CCL28: variants seen among roughly 807,000 people sequenced by gnomAD.
CCL28 encodes C-C motif chemokine ligand 28.
Under a neutral mutation model 7.1 loss-of-function variants are expected in CCL28, and 4 were observed. The ratio of observed to expected loss-of-function variants is 0.56; its 90% CI spans 0.28 to 1.29. The LOEUF is 1.29. Among genes scored for constraint, CCL28 ranks in the 50% most tolerant of loss-of-function variants. CCL28 has a pLI of 0.11. For synonymous variants in CCL28, 55 were observed against 57.8 expected (o/e 0.95, Z 0.22); for missense variants, 151 against 163.4 (o/e 0.92, Z 0.41).
intron 2 of CCL28, among the ~76,000 whole-genome samples, chr5:43,387,268 T>A (rs1740378441): frequency 6.6e-6 from 1 of 152,238 alleles, no homozygotes; most frequent in East Asian, 1.9e-4. Context: ...GTTTCTGCAA[T>A]TCACGAGCTG....
the CCL28 span, among the ~76,000 whole-genome samples, chr5:43,358,382 A>C: frequency 1.3e-5 from 2 of 152,360 alleles, no homozygotes; most frequent in African/African-American, 2.4e-5. Context: ...CAGATTGGTC[A>C]TTTCAAAATT....
chr5:43,361,666 T>C, the CCL28 span, among the ~76,000 whole-genome samples: 2 of 152,172 alleles, frequency 1.3e-5, no homozygotes, highest in African/African-American at 4.8e-5. Flanking sequence ...GATTTTTATA[T>C]ATGGTGTAAA....
chr5:43,374,287 T>C (rs1356961610), downstream of CCL28, among the ~76,000 whole-genome samples: 1 of 152,222 alleles, frequency 6.6e-6, no homozygotes, highest in Non-Finnish European at 1.5e-5. Flanking sequence ...AATATGCCAG[T>C]TAATCAGTTA....
At chr5:43,383,801 T>C (rs1267164437) in intron 2 of CCL28, among the ~76,000 whole-genome samples, 1 of 152,130 alleles carries the variant, frequency 6.6e-6, no homozygotes, top group Non-Finnish European at 1.5e-5. Flanking sequence ...TTTAGTGACA[T>C]GCAGGCTGGG....
At chr5:43,361,798 T>C in the CCL28 span, among the ~76,000 whole-genome samples, 2 of 152,032 alleles carry the variant, frequency 1.3e-5, no homozygotes, top group Non-Finnish European at 2.9e-5. Context: ...GATCAGATAG[T>C]TGTAGGTGTG....
the CCL28 span, among the ~76,000 whole-genome samples, chr5:43,370,167 AC>A: frequency 6.6e-6 from 1 of 152,246 alleles, no homozygotes; most frequent in African/African-American, 2.4e-5. Flanking sequence ...GCCCCAGCTA[AC>A]CCAGAAAATT....
intron 1 of CCL28, among the ~76,000 whole-genome samples, chr5:43,389,788 T>G (rs1019978109): frequency 1.3e-5 from 2 of 152,194 alleles, no homozygotes; most frequent in Non-Finnish European, 2.9e-5. Context: ...GGCCAGCATT[T>G]ATTACATGTT....
the CCL28 span, among the ~76,000 whole-genome samples, chr5:43,368,993 T>G: frequency 7.8e-6 from 1 of 128,342 alleles, no homozygotes; most frequent in African/African-American, 3.1e-5. Context: ...GGAGAGTGTC[T>G]TTGAGAGGTG....
chr5:43,397,637 G>T (rs914736817), intron 1 of CCL28, among the ~76,000 whole-genome samples: 26 of 152,278 alleles, frequency 1.7e-4, no homozygotes, highest in Middle Eastern at 3.4e-3. Flanking sequence ...TTAGTAAAAT[G>T]CTGCAATTTT....
intron 1 of CCL28, among the ~76,000 whole-genome samples, chr5:43,404,181 A>G (rs960389695): frequency 4.6e-5 from 7 of 152,354 alleles, no homozygotes; most frequent in East Asian, 1.9e-4. Flanking sequence ...CTCCTCAAGA[A>G]GAGCAACTCT....
the CCL28 span, among the ~76,000 whole-genome samples, chr5:43,368,046 G>A: frequency 3.4e-4 from 52 of 152,304 alleles, 1 homozygote; most frequent in South Asian, 9.1e-3. Flanking sequence ...TTTAACACCA[G>A]ACAGAATCCT....
intron 1 of CCL28, among the ~76,000 whole-genome samples, chr5:43,395,890 A>G (rs923789581): frequency 2.7e-5 from 3 of 111,244 alleles, no homozygotes; most frequent in East Asian, 3.1e-4. Flanking sequence ...GAGACGGAGT[A>G]TCGCTCTGTA....
At chr5:43,404,915 C>T (rs1326482382) in intron 1 of CCL28, among the ~76,000 whole-genome samples, 5 of 152,114 alleles carry the variant, frequency 3.3e-5, no homozygotes, top group African/African-American at 1.2e-4. Context: ...ACAAAGAAGG[C>T]CATTACATAA....
At chr5:43,399,335 C>A (rs1293108366) in intron 1 of CCL28, among the ~76,000 whole-genome samples, 1 of 152,182 alleles carries the variant, frequency 6.6e-6, no homozygotes, top group Non-Finnish European at 1.5e-5. Context: ...GACTGCTGAA[C>A]CTCTCAGTTG....
chr5:43,401,082 CAA>C (rs34105761), intron 1 of CCL28, among the ~76,000 whole-genome samples: 10 of 94,978 alleles, frequency 1.1e-4, no homozygotes, highest in Non-Finnish European at 6.5e-5. Flanking sequence ...GACTCCGTCT[CAA>C]AAAAAAAAAA....
chr5:43,409,395 C>T (rs926719047), intron 1 of CCL28, among the ~76,000 whole-genome samples: 5 of 152,102 alleles, frequency 3.3e-5, no homozygotes, highest in East Asian at 1.9e-4. Context: ...CATTGCACTC[C>T]AGCCTGGGCG....
At chr5:43,357,314 A>G in the CCL28 span, among the ~76,000 whole-genome samples, 1 of 152,232 alleles carries the variant, frequency 6.6e-6, no homozygotes, top group Non-Finnish European at 1.5e-5. Context: ...GAGGAACTGC[A>G]AAGTCACTTG....
intron 1 of CCL28, 144 bp from the exon 2 acceptor site, chr5:43,388,620 G>T: frequency 1.4e-6 from 1 of 722,822 alleles, no homozygotes. Flanking sequence ...ACTTGGGGCA[G>T]GACATGTTCC....
At chr5:43,362,484 C>A in the CCL28 span, among the ~76,000 whole-genome samples, 10 of 151,928 alleles carry the variant, frequency 6.6e-5, no homozygotes, top group Non-Finnish European at 1.5e-4. Flanking sequence ...TATTATTTAC[C>A]CCATAGTTTT....
Sources: gnomAD v4.1 joint callset for allele counts (sites outside exome capture counted in the v4.1 genomes callset) on GRCh38, gnomAD v4.1.1 for gene constraint, MANE v1.5 for transcripts, NCBI Gene and HGNC (gene_info 2026-07-23, HGNC 2026-07-21) for gene names.